GNL3L: variants seen among roughly 807,000 people sequenced by gnomAD.
GNL3L encodes the protein G protein nucleolar 3 like, also known as guanine nucleotide-binding protein-like 3-like protein.
In GNL3L, 4 loss-of-function variants were observed where a neutral mutation model predicts 42.9. The ratio of observed to expected loss-of-function variants is 0.09; its 90% CI spans 0.05 to 0.21. The LOEUF is 0.21. GNL3L is among the 10% of genes least tolerant of loss of function. GNL3L has a pLI of 1.00. For missense variants in GNL3L, 412 were observed against 481.7 expected, an observed-to-expected ratio of 0.86 and a Z score of 1.36; for synonymous variants, 159 against 176.3, an observed-to-expected ratio of 0.90 and a Z score of 0.78.
intron 16 of GNL3L, among the ~76,000 whole-genome samples, chrX:54,604,293 G>A (rs1380949790): frequency 8.9e-6 from 1 of 111,843 alleles, no homozygotes; most frequent in Non-Finnish European, 1.9e-5. Context: ...TTATACTGTA[G>A]TACGAATAAG....
chrX:54,572,875 A>G (rs1278073733), intron 16 of GNL3L, among the ~76,000 whole-genome samples: 1 of 92,608 alleles, frequency 1.1e-5, no homozygotes, highest in Non-Finnish European at 2.2e-5. Context: ...ACGGGGTCGC[A>G]GCCGGGCAGA....
the GNL3L span, among the ~76,000 whole-genome samples, chrX:54,631,900 G>C: frequency 1.8e-5 from 2 of 111,644 alleles, no homozygotes; most frequent in African/African-American, 6.5e-5. Flanking sequence ...TCTATTTTTG[G>C]TGTATTTTGA....
At chrX:54,608,491 T>A (rs982737298) in intron 16 of GNL3L, among the ~76,000 whole-genome samples, 1 of 110,347 alleles carries the variant, frequency 9.1e-6, no homozygotes, top group African/African-American at 3.3e-5. Flanking sequence ...TGTAGTCTTT[T>A]ATCCCTTGCC....
chrX:54,541,269 T>G lies in GNL3L; in HGVS notation c.190-4T>G. 1 of 1,172,401 alleles carries G rather than the reference T, an allele frequency of 8.5e-7. No individual in the cohort carries two copies. On this transcript the variant is annotated splice_region_variant and splice_polypyrimidine_tract_variant and intron_variant, in intron 4 of 15. Coordinates refer to ENST00000360845, the MANE Select transcript of GNL3L (RefSeq NM_001184819.2). ...TCCAGTACCAGTGTGTGTTCACTTG[T>G]TAGGTTGAGGAGATGAGGGAGAAGC...
Position 54,539,056 on chromosome X carries a change from T to G in GNL3L, c.36T>G (p.Gly12=), listed in dbSNP as rs759411607. ...CTTTTGTAGAAAATAAAAAGCCAGG[T>G]GAAGGTTCCAAGGGCCACAAGAAGA... is the stretch of plus-strand genomic sequence containing the variant. ...MKLRHKNKKP[G]EGSKGHKKIS... is the part of the protein sequence containing the mutation. Residue 12 remains glycine, a synonymous_variant, in exon 3 of 16, where the codon GGT becomes GGG. Coordinates refer to ENST00000360845, the MANE Select transcript of GNL3L (RefSeq NM_001184819.2). 6 of 1,151,049 alleles carry G rather than the reference T, an allele frequency of 5.2e-6. No homozygotes were observed. Among genetic ancestry groups the G allele is most frequent in the Non-Finnish European group, 7.1e-6 (6 of 849,164 alleles). 94.9% of individuals were successfully genotyped at this position (1,151,049 alleles called of 1,213,427 possible).
chrX:54,565,182 C>T lies in GNL3L; in HGVS notation c.*4580C>T, dbSNP rs1266657107. Among the ~76,000 whole-genome samples the T allele has an allele frequency of 9.0e-6, 1 of 111,712 alleles. No individual in the cohort carries two copies. Among genetic ancestry groups the T allele is most frequent in the Non-Finnish European group, 1.9e-5 (1 of 53,207 alleles). On this transcript the variant is annotated 3_prime_UTR_variant, in exon 16 of 16. Coordinates refer to ENST00000360845, the MANE Select transcript of GNL3L (RefSeq NM_001184819.2). ...AATAGTTCTTATTTCTGAGTCACTC[C>T]ATTGTGTGGATTTACTACTGTTTGT...
At chrX:54,547,499 G>A (rs1444334168) in intron 8 of GNL3L, among the ~76,000 whole-genome samples, 2 of 110,580 alleles carry the variant, frequency 1.8e-5, no homozygotes, top group Non-Finnish European at 3.8e-5. Flanking sequence ...GATGCCAGGA[G>A]TTTGAGACCA....
chrX:54,639,620 C>G, the GNL3L span, among the ~76,000 whole-genome samples: 22 of 111,851 alleles, frequency 2.0e-4, no homozygotes, highest in African/African-American at 7.2e-4. Context: ...CCCATTTCCT[C>G]CTAAAGCCAC....
chrX:54,565,848 AAC>A lies in GNL3L; in HGVS notation c.*5248_*5249del, dbSNP rs1250575822. Among the ~76,000 whole-genome samples the A allele has an allele frequency of 1.0e-5, 1 of 97,460 alleles. No individual in the cohort carries two copies. Among genetic ancestry groups the A allele is most frequent in the Non-Finnish European group, 2.1e-5 (1 of 48,703 alleles). The allele number at this position is 97,460 out of a possible 115,157, so 84.6% of individuals were successfully genotyped here. A position where few individuals can be genotyped will look rare whatever the true frequency, so the allele number is the denominator to read the frequency against. On this transcript the variant is annotated 3_prime_UTR_variant, in exon 16 of 16. Coordinates refer to ENST00000360845, the MANE Select transcript of GNL3L (RefSeq NM_001184819.2). ...TGTTTTTTTTTTTTTTTTTTTTTGA[AAC>A]AGAGTCCTCACCCAGGTTGGAGTGT...
In GNL3L at chrX:54,559,230, C is replaced by T. The variant is rs1037665288; in HGVS notation, c.1666+575C>T. ...TGATGCTATTTCTCTGGGGATCACA[C>T]TGGGAGAACCACTGGCCTGCCTAGT... is the stretch of plus-strand genomic sequence containing the variant. On this transcript the variant is annotated intron_variant, in intron 15 of 15. Transcript: ENST00000360845. Among the ~76,000 whole-genome samples, 5 of 111,729 alleles carry T rather than the reference C, an allele frequency of 4.5e-5. No homozygotes were observed. In the South Asian group the frequency reaches 1.5e-3, roughly 34 times the overall value.
intron 5 of GNL3L, among the ~76,000 whole-genome samples, chrX:54,542,222 A>G (rs1174983211): frequency 1.8e-5 from 2 of 108,278 alleles, no homozygotes; most frequent in African/African-American, 6.7e-5. Flanking sequence ...CATTAGGTAT[A>G]TCTCCTAATG....
rs1222227845 is a variant in GNL3L at position 54,560,776 on chromosome X, C to G, written c.*174C>G. 2.5e-6 allele frequency: 1 copy of G among 392,891 alleles called. No homozygotes were observed. Among genetic ancestry groups the G allele is most frequent in the African/African-American group, 2.5e-5 (1 of 39,897 alleles). The allele number at this position is 392,891 out of a possible 1,213,427, so 32.4% of individuals were successfully genotyped here. On this transcript the variant is annotated 3_prime_UTR_variant, in exon 16 of 16. Coordinates refer to ENST00000360845, the MANE Select transcript of GNL3L (RefSeq NM_001184819.2). ...ACAGTCCCGGCTAGGTGCTGTGGCT[C>G]ACGTCTGTAATCCCAGCACTTTGGG... is the stretch of plus-strand genomic sequence containing the variant.
At position 54,602,839 on chromosome X, in the gene GNL3L, C is replaced by T. The variant is rs148949624; in HGVS notation, c.*46-18006C>T. On this transcript the variant is annotated intron_variant, in intron 16 of 16. Transcript: ENST00000674498. Reference sequence around the variant, plus strand: ...ACTGACACAAGAAAACAAAGTCTGCCTACAATCTTAGCAAACTTTGAGGTG... The same window carrying T: ...ACTGACACAAGAAAACAAAGTCTGCTTACAATCTTAGCAAACTTTGAGGTG... Among the ~76,000 whole-genome samples the T allele has an allele frequency of 2.2e-4, 24 of 111,483 alleles. No homozygotes were observed. The East Asian group carries it at 6.5e-3, about 30-fold the overall frequency.
chrX:54,558,397 G>T (rs765110855), intron 14 of GNL3L, 39 bp from the exon 15 acceptor site: 2 of 978,985 alleles, frequency 2.0e-6, no homozygotes, highest in Non-Finnish European at 2.9e-6. Context: ...GTTCTCTGGG[G>T]GTTAAGACCT....
At chrX:54,590,668 G>T (rs1285117634) in intron 16 of GNL3L, among the ~76,000 whole-genome samples, 1 of 111,384 alleles carries the variant, frequency 9.0e-6, no homozygotes, top group Non-Finnish European at 1.9e-5. Flanking sequence ...TACTTATTGG[G>T]TATTATTCAA....
At chrX:54,630,054 T>C in the GNL3L span, among the ~76,000 whole-genome samples, 1 of 111,127 alleles carries the variant, frequency 9.0e-6, no homozygotes, top group Non-Finnish European at 1.9e-5. Context: ...AAGGTGTTCA[T>C]AGTAGCCTTG....
At chrX:54,574,918 C>T (rs1446431520) in intron 16 of GNL3L, among the ~76,000 whole-genome samples, 2 of 111,775 alleles carry the variant, frequency 1.8e-5, no homozygotes, top group African/African-American at 6.5e-5. Context: ...ATAGAATTTG[C>T]TTATAATCTT....
At chrX:54,558,687 A>G (rs200393563) in intron 15 of GNL3L, 32 bp downstream of exon 15, 12 of 1,045,023 alleles carry the variant, frequency 1.1e-5, no homozygotes, top group Non-Finnish European at 1.3e-6. Flanking sequence ...TGTGCTCTGA[A>G]AGGGGCCCAC....
chrX:54,602,119 G>A (rs994659471), intron 16 of GNL3L, among the ~76,000 whole-genome samples: 10 of 110,826 alleles, frequency 9.0e-5, no homozygotes, highest in African/African-American at 2.0e-4. Flanking sequence ...TTTCTGGGTC[G>A]TATGTTAAGT....
Sources: allele counts gnomAD v4.1 joint callset (sites outside exome capture counted in the v4.1 genomes callset), GRCh38; gene constraint gnomAD v4.1.1; transcripts MANE v1.5; gene names NCBI Gene and HGNC (gene_info 2026-07-23, HGNC 2026-07-21).